GNA11: variants seen among roughly 807,000 people sequenced by gnomAD.
GNA11 encodes G protein subunit alpha 11.
Under a neutral mutation model 38.2 loss-of-function variants are expected in GNA11, and 8 were observed. That is an observed-to-expected ratio of 0.21 (90% CI 0.12 to 0.38). The LOEUF (loss-of-function observed/expected upper bound fraction) is 0.38. GNA11 is among the 10% of genes least tolerant of loss of function. The probability of loss-of-function intolerance (pLI) is 1.00; values close to 1 mark genes in which losing one functional copy is unlikely to be tolerated. For missense variants in GNA11, 268 were observed against 516.3 expected (o/e 0.52, Z 4.66); for synonymous variants, 211 against 221.4 (o/e 0.95, Z 0.42).
intron 2 of GNA11, among the ~76,000 whole-genome samples, chr19:3,111,992 C>T (rs1913786167): frequency 6.6e-6 from 1 of 152,270 alleles, no homozygotes. Flanking sequence ...TCTCCATCAG[C>T]TTCTGAAACA....
intron 1 of GNA11, among the ~76,000 whole-genome samples, chr19:3,106,471 A>C (rs1266581044): frequency 6.6e-6 from 1 of 152,214 alleles, no homozygotes; most frequent in Non-Finnish European, 1.5e-5. Context: ...GGCAGGGCTT[A>C]ACAGTGGCCA....
Position 3,094,561 on chromosome 19 carries a change from C to G in GNA11, c.-91C>G, listed in dbSNP as rs1913312108. On this transcript the variant is annotated 5_prime_UTR_variant, in exon 1 of 7. Coordinates refer to ENST00000078429, the MANE Select transcript of GNA11 (RefSeq NM_002067.5). This position sits in a 1 kb window ranked among gnomAD's most constrained non-coding sequence, Gnocchi z 6.0. ...GGTGGCCGAGGCCGGAGGGCCGCGG[C>G]GGGCGGCGGCCGAGGCGGCTCCGGC... 4.0e-6 allele frequency: 2 copies of G among 503,340 alleles called. No homozygotes were observed. Among genetic ancestry groups the G allele is most frequent in the Non-Finnish European group, 5.0e-6 (2 of 396,372 alleles). 31.2% of individuals were successfully genotyped at this position (503,340 alleles called of 1,614,324 possible).
At chr19:3,107,322 C>T (rs1364060749) in intron 1 of GNA11, among the ~76,000 whole-genome samples, 7 of 152,196 alleles carry the variant, frequency 4.6e-5, no homozygotes, top group Admixed American at 6.5e-5. Flanking sequence ...CCTTCTCGGC[C>T]GTCTTGGTCT....
intron 1 of GNA11, among the ~76,000 whole-genome samples, chr19:3,097,143 G>A (rs547674808): frequency 2.0e-4 from 31 of 152,250 alleles, no homozygotes; most frequent in African/African-American, 2.4e-4. Flanking sequence ...GATTGCCCCC[G>A]TTTTTCAGGG....
intron 1 of GNA11, among the ~76,000 whole-genome samples, chr19:3,097,413 GGGGCCT>G (rs1156914995): frequency 6.6e-6 from 1 of 152,160 alleles, no homozygotes; most frequent in East Asian, 1.9e-4. Flanking sequence ...GAGGGAGGCA[GGGGCCT>G]GCCACCACAC....
rs535347181 is a variant in GNA11 at position 3,097,662 on chromosome 19, C to T, written c.136+2875C>T. On this transcript the variant is annotated intron_variant, in intron 1 of 6. Transcript: ENST00000078429. ...GCGAGGACATTCCGTGCCCCGTTTTCGGGGTGGGGGGGACCTTACGGAGCC... is the reference window on the plus strand; with the variant it reads ...GCGAGGACATTCCGTGCCCCGTTTTTGGGGTGGGGGGGACCTTACGGAGCC... Among the ~76,000 whole-genome samples the T allele has an allele frequency of 7.3e-4, 111 of 152,328 alleles. No individual in the cohort carries two copies. In the East Asian group the frequency reaches 0.021, roughly 29 times the overall value.
At chr19:3,111,599 G>T (rs970017423) in intron 2 of GNA11, among the ~76,000 whole-genome samples, 3 of 152,364 alleles carry the variant, frequency 2.0e-5, no homozygotes, top group Non-Finnish European at 2.9e-5. Flanking sequence ...TGTGTGGGCT[G>T]TTGGGAACGG....
Position 3,119,286 on chromosome 19 carries a change from C to T in GNA11, c.816C>T (p.Phe272=), listed in dbSNP as rs755573572. The change falls in exon 6 of 7, where the codon TTC becomes TTT. Residue 272 remains phenylalanine (F), a synonymous_variant. Coordinates refer to ENST00000078429, the MANE Select transcript of GNA11 (RefSeq NM_002067.5). The surrounding 1 kb of genome is among the most constrained non-coding windows in gnomAD (Gnocchi z 4.6). ...PWFQNSSVIL[F]LNKKDLLEDK... ...TCCAGAACTCCTCCGTCATCCTCTT[C>T]CTCAACAAGAAGGACCTGCTGGAGG... 2 of 1,613,816 alleles carry T rather than the reference C, an allele frequency of 1.2e-6. No individual in the cohort carries two copies. The highest frequency in any genetic ancestry group is 1.1e-5 in the South Asian group (1 of 91,078).
chr19:3,113,353 G>C lies in GNA11; in HGVS notation c.345G>C (p.Glu115Asp), dbSNP rs1197262629. 6.2e-7 allele frequency: 1 copy of C among 1,613,464 alleles called. No homozygotes were observed. Among genetic ancestry groups the C allele is most frequent in the East Asian group, 2.2e-5 (1 of 44,858 alleles). The change falls in exon 3 of 7, where the codon GAG (glutamate) becomes GAC (aspartate). Residue 115 changes from glutamate to aspartate, a missense_variant. Glu to Asp is a conservative substitution (Grantham distance 45). Transcript: ENST00000078429. ...AGGCCAATGCGCTCCTGATCCGGGAGGTGGACGTGGAGAAGGTGACCACCT... is the reference window on the plus strand; with the variant it reads ...AGGCCAATGCGCTCCTGATCCGGGACGTGGACGTGGAGAAGGTGACCACCT... ...QNKANALLIR[E>D]VDVEKVTTFE... is the part of the protein sequence containing the mutation.
rs1298417611 is a variant in GNA11 at position 3,094,622 on chromosome 19, CA to C, written c.-29del. ...CCGGGGGCCGGGGGGCGGCGGCGGG[CA>C]GGCGGCCGCGTCGGCCGGGGCCGGG... is the stretch of plus-strand genomic sequence containing the variant. On this transcript the variant is annotated 5_prime_UTR_variant, in exon 1 of 7. Transcript: ENST00000078429. This position sits in a 1 kb window ranked among gnomAD's most constrained non-coding sequence, Gnocchi z 6.0. 1 of 1,140,604 alleles carries C rather than the reference CA, an allele frequency of 8.8e-7. No individual in the cohort carries two copies. The highest frequency in any genetic ancestry group is 1.1e-6 in the Non-Finnish European group (1 of 910,670). 70.7% of individuals were successfully genotyped at this position (1,140,604 alleles called of 1,614,324 possible).
intron 1 of GNA11, among the ~76,000 whole-genome samples, chr19:3,106,687 G>A (rs760644475): frequency 2.6e-5 from 4 of 152,272 alleles, no homozygotes; most frequent in Non-Finnish European, 5.9e-5. Context: ...CTGCATGTGT[G>A]TGTACATGTA....
intron 1 of GNA11, among the ~76,000 whole-genome samples, chr19:3,106,516 G>C (rs1913643284): frequency 1.3e-5 from 2 of 152,334 alleles, no homozygotes; most frequent in South Asian, 4.1e-4. Context: ...GGGGCCACCT[G>C]GGCCTGGCTT....
intron 4 of GNA11, among the ~76,000 whole-genome samples, chr19:3,116,313 C>T (rs572375679): frequency 6.7e-4 from 102 of 152,278 alleles, no homozygotes; most frequent in Non-Finnish European, 7.8e-4. Context: ...TGGTGTCGGG[C>T]GTGAGACTCC....
chr19:3,118,792 A>G (rs1913988495), intron 4 of GNA11, 132 bp from the exon 5 acceptor site: 1 of 820,624 alleles, frequency 1.2e-6, no homozygotes, highest in African/African-American at 1.7e-5. Context: ...CCGTTCTAAG[A>G]GTGGGGGCTC....
chr19:3,106,191 C>T (rs1030306316), intron 1 of GNA11, among the ~76,000 whole-genome samples: 22 of 152,068 alleles, frequency 1.4e-4, no homozygotes, highest in African/African-American at 5.3e-4. Flanking sequence ...GAGCGAGTCT[C>T]TGCTGACCAG....
At chr19:3,109,414 C>A (rs1913712993) in intron 1 of GNA11, among the ~76,000 whole-genome samples, 1 of 152,162 alleles carries the variant, frequency 6.6e-6, no homozygotes, top group Non-Finnish European at 1.5e-5. Context: ...GCCCTGGGAC[C>A]ATCAGTGTGC....
Position 3,120,741 on chromosome 19 carries a change from T to TTG in GNA11, c.890-248_890-247insTG, listed in dbSNP as rs1914050964. ...GAGGGCTGAGCAGAGGGAGCAGCGG[T>TTG]GGGTGCAGAGCCCCAGGTTGGAGGC... is the stretch of plus-strand genomic sequence containing the variant. On this transcript the variant is annotated intron_variant, in intron 6 of 6. Coordinates refer to ENST00000078429, the MANE Select transcript of GNA11 (RefSeq NM_002067.5). The surrounding 1 kb of genome is among the most constrained non-coding windows in gnomAD (Gnocchi z 5.9). Among the ~76,000 whole-genome samples, 1 of 151,842 alleles carries TTG rather than the reference T, an allele frequency of 6.6e-6. No individual in the cohort carries two copies. The highest frequency in any genetic ancestry group is 2.4e-5 in the African/African-American group (1 of 41,328).
intron 4 of GNA11, 75 bp downstream of exon 4, chr19:3,115,147 C>T (rs531375876): frequency 1.3e-4 from 205 of 1,527,702 alleles, no homozygotes; most frequent in South Asian, 7.3e-4. Context: ...CTCATGCCTG[C>T]GCACCCAGTG....
Position 3,122,146 on chromosome 19 carries a change from G to A in GNA11, c.*967G>A, listed in dbSNP as rs1914096115. 1 of 233,352 alleles carries A rather than the reference G, an allele frequency of 4.3e-6. No homozygotes were observed. Among genetic ancestry groups the A allele is most frequent in the Non-Finnish European group, 8.5e-6 (1 of 117,796 alleles). 14.5% of individuals were successfully genotyped at this position (233,352 alleles called of 1,614,324 possible). ...GTGACACTGGGAGAAAGGCCACTTG[G>A]ATGGGGGCGTTTCTGTTTTGTTCCG... is the stretch of plus-strand genomic sequence containing the variant. On this transcript the variant is annotated 3_prime_UTR_variant, in exon 7 of 7. Transcript: ENST00000078429. The surrounding 1 kb of genome is among the most constrained non-coding windows in gnomAD (Gnocchi z 7.7).
Sources: gnomAD v4.1 joint callset for allele counts (sites outside exome capture counted in the v4.1 genomes callset) on GRCh38, gnomAD v4.1.1 for gene constraint, Gnocchi (gnomAD v3.1) non-coding constraint, MANE v1.5 for transcripts, NCBI Gene and HGNC (gene_info 2026-07-23, HGNC 2026-07-21) for gene names.